ZSCAN25: variants seen among roughly 807,000 people sequenced by gnomAD.
The protein encoded by ZSCAN25 is zinc finger and SCAN domain containing 25, also known as zinc finger and SCAN domain-containing protein 25.
ZSCAN25 carries 27 observed loss-of-function variants against 38.7 expected under a neutral mutation model. The observed-to-expected ratio is 0.70, with a 90% CI of 0.51 to 0.96. The LOEUF is 0.96. ZSCAN25 is among the 40% of genes least tolerant of loss of function. ZSCAN25 has a pLI of 0.00. For synonymous variants in ZSCAN25, 273 were observed against 277.7 expected, an observed-to-expected ratio of 0.98 and a Z score of 0.17; for missense variants, 637 against 705.9, an observed-to-expected ratio of 0.90 and a Z score of 1.11.
chr7:99,679,977 G>T, the ZSCAN25 span: 1 of 1,244,346 alleles, frequency 8.0e-7, no homozygotes, highest in Non-Finnish European at 1.2e-6. Flanking sequence ...TTTGCCTGGA[G>T]CTTCCCTGCC....
chr7:99,690,383 T>C, the ZSCAN25 span, among the ~76,000 whole-genome samples: 52 of 152,290 alleles, frequency 3.4e-4, no homozygotes, highest in Non-Finnish European at 5.9e-4. Flanking sequence ...TACAGAGGCA[T>C]GGGCAAGGAC....
chr7:99,666,939 C>T, the ZSCAN25 span: 8 of 1,612,160 alleles, frequency 5.0e-6, no homozygotes, highest in South Asian at 8.8e-5. Flanking sequence ...TAAGACTCAT[C>T]TTATTTTCAT....
rs908440308 is a variant in ZSCAN25, at chr7:99,619,804, C to T, written c.198C>T (p.Leu66=). 7.4e-6 allele frequency: 12 copies of T among 1,614,140 alleles called. No homozygotes were observed. Among genetic ancestry groups the T allele is most frequent in the African/African-American group, 1.3e-5 (1 of 74,950 alleles). ...PQEALRELQE[L]CRRWLRPELH... The stretch of plus-strand genomic sequence containing the variant: ...AAGCTCTTAGGGAGCTCCAGGAGCT[C>T]TGTCGTCGGTGGCTGAGGCCCGAGT... Residue 66 remains leucine (L), a synonymous_variant, in exon 4 of 8, where the codon CTC becomes CTT. Transcript: ENST00000394152.
At chr7:99,660,133 A>T in the ZSCAN25 span, 5,784 of 799,752 alleles carry the variant, frequency 7.2e-3, 261 homozygotes, top group African/African-American at 0.1. Flanking sequence ...GGAAATGCAG[A>T]AATCATTCGT....
chr7:99,654,167 G>T, the ZSCAN25 span, among the ~76,000 whole-genome samples: 1 of 151,926 alleles, frequency 6.6e-6, no homozygotes, highest in Non-Finnish European at 1.5e-5. Context: ...TGCCATGTTG[G>T]TGTGCTGCAC....
chr7:99,660,249 T>TTA, the ZSCAN25 span: 2 of 474,732 alleles, frequency 4.2e-6, no homozygotes, highest in Non-Finnish European at 5.4e-6. Context: ...TTTTTTTACT[T>TTA]AGCATTATTG....
the ZSCAN25 span, among the ~76,000 whole-genome samples, chr7:99,683,675 G>T: frequency 1.3e-5 from 2 of 152,022 alleles, no homozygotes; most frequent in Admixed American, 6.6e-5. Context: ...GCCCTGTTTA[G>T]GCTCTGGCTG....
downstream of ZSCAN25, among the ~76,000 whole-genome samples, chr7:99,635,962 G>T (rs1396250822): frequency 1.3e-5 from 2 of 150,930 alleles, no homozygotes. Context: ...CAGGAGAATG[G>T]CGTGAACCCG....
the ZSCAN25 span, chr7:99,665,082 G>T: frequency 8.6e-7 from 1 of 1,169,496 alleles, no homozygotes; most frequent in Non-Finnish European, 1.2e-6. Context: ...TACCTTTTAA[G>T]TGGATGAATT....
chr7:99,700,473 C>CT, the ZSCAN25 span, among the ~76,000 whole-genome samples: 2 of 152,114 alleles, frequency 1.3e-5, no homozygotes, highest in African/African-American at 2.4e-5. Context: ...CTGGAGTGTA[C>CT]TTGTGCCCCC....
At chr7:99,686,263 A>G in the ZSCAN25 span, among the ~76,000 whole-genome samples, 2 of 152,176 alleles carry the variant, frequency 1.3e-5, no homozygotes, top group African/African-American at 4.8e-5. Flanking sequence ...TAGTCAAAGA[A>G]AGGGGTGACA....
the ZSCAN25 span, chr7:99,717,493 A>T: frequency 1.9e-6 from 3 of 1,611,994 alleles, no homozygotes; most frequent in Non-Finnish European, 2.5e-6. Context: ...TCATTCTTTA[A>T]GTTTCTAATT....
the ZSCAN25 span, chr7:99,648,469 T>A: frequency 7.9e-7 from 1 of 1,259,742 alleles, no homozygotes; most frequent in Non-Finnish European, 1.1e-6. Context: ...GGAAGCAAAG[T>A]AGAAAAAATA....
At chr7:99,646,040 T>C in the ZSCAN25 span, among the ~76,000 whole-genome samples, 1 of 152,156 alleles carries the variant, frequency 6.6e-6, no homozygotes, top group Non-Finnish European at 1.5e-5. Context: ...TGAAGTCAGG[T>C]AAATGTGTTT....
chr7:99,648,184 A>T, the ZSCAN25 span: 1 of 1,433,548 alleles, frequency 7.0e-7, no homozygotes, highest in Non-Finnish European at 9.2e-7. Flanking sequence ...ATCACCAACT[A>T]CTCATGCAGT....
At chr7:99,705,823 A>G in the ZSCAN25 span, among the ~76,000 whole-genome samples, 3 of 152,196 alleles carry the variant, frequency 2.0e-5, no homozygotes, top group Non-Finnish European at 4.4e-5. Context: ...TGGAGCACCT[A>G]TTCTGTGTGA....
At chr7:99,711,372 C>G in the ZSCAN25 span, among the ~76,000 whole-genome samples, 2 of 152,182 alleles carry the variant, frequency 1.3e-5, no homozygotes, top group Admixed American at 6.5e-5. Flanking sequence ...AGGACCTTTC[C>G]TTTAGATATG....
At chr7:99,636,577 C>T (rs1808293967), downstream of ZSCAN25, among the ~76,000 whole-genome samples, 1 of 152,226 alleles carries the variant, frequency 6.6e-6, no homozygotes, top group African/African-American at 2.4e-5. Context: ...TTCAGACACA[C>T]TCATAAACAA....
At chr7:99,717,594 C>T in the ZSCAN25 span, 2 of 1,613,714 alleles carry the variant, frequency 1.2e-6, no homozygotes, top group South Asian at 1.1e-5. Flanking sequence ...TCTTCATCCT[C>T]AGCTATAGAG....
Sources: gnomAD v4.1 joint callset for allele counts (sites outside exome capture counted in the v4.1 genomes callset) on GRCh38, gnomAD v4.1.1 for gene constraint, MANE v1.5 for transcripts, NCBI Gene and HGNC (gene_info 2026-07-23, HGNC 2026-07-21) for gene names.